MCPH1: variants seen among roughly 807,000 people sequenced by gnomAD.
The protein encoded by MCPH1 is microcephalin 1.
MCPH1 carries 104 observed loss-of-function variants against 84.5 expected under a neutral mutation model. The observed-to-expected ratio is 1.23, with a 90% CI of 1.05 to 1.45. The LOEUF (loss-of-function observed/expected upper bound fraction) is 1.45, where lower values mean the gene tolerates loss of function less well. MCPH1 is among the 40% of genes most tolerant of loss of function. The pLI, the probability that MCPH1 is intolerant of heterozygous loss-of-function variation, is 0.00. For missense variants in MCPH1, 1,498 were observed against 1,005.7 expected, an observed-to-expected ratio of 1.49 and a Z score of -6.62; for synonymous variants, 514 against 366.8, an observed-to-expected ratio of 1.40 and a Z score of -4.58.
chr8:6,532,526 A>T, intron 12 of MCPH1: 1 of 1,509,380 alleles, frequency 6.6e-7, no homozygotes, highest in Non-Finnish European at 8.9e-7. Flanking sequence ...CATTAGTCAA[A>T]TGACCGGAAA....
intron 9 of MCPH1, among the ~76,000 whole-genome samples, chr8:6,475,512 C>T (rs915883700): frequency 1.3e-5 from 2 of 152,220 alleles, no homozygotes; most frequent in African/African-American, 4.8e-5. Flanking sequence ...CCTGGGAGAG[C>T]CCCTGGTTCT....
chr8:6,436,484 T>A (rs1802655824), intron 5 of MCPH1, among the ~76,000 whole-genome samples: 1 of 152,170 alleles, frequency 6.6e-6, no homozygotes, highest in Admixed American at 6.5e-5. Flanking sequence ...TATTTCTTCT[T>A]TATATATAAC....
chr8:6,497,547 C>A (rs1474925710), intron 11 of MCPH1, among the ~76,000 whole-genome samples: 1 of 152,002 alleles, frequency 6.6e-6, no homozygotes, highest in Non-Finnish European at 1.5e-5. Flanking sequence ...AGAGCTGCAA[C>A]CACTGACCAG....
chr8:6,549,879 AAAAAG>A (rs915449508), intron 12 of MCPH1, among the ~76,000 whole-genome samples: 16 of 152,360 alleles, frequency 1.1e-4, no homozygotes, highest in South Asian at 2.1e-4. Flanking sequence ...TTATATCTAA[AAAAAG>A]AAAAGAAAAG....
chr8:6,629,249 G>C (rs1392635980), intron 13 of MCPH1, among the ~76,000 whole-genome samples: 4 of 152,196 alleles, frequency 2.6e-5, no homozygotes, highest in African/African-American at 9.7e-5. Flanking sequence ...GATCACTTGA[G>C]GTCAGGAGTT....
chr8:6,564,060 C>A (rs529916585), intron 12 of MCPH1, among the ~76,000 whole-genome samples: 1 of 147,162 alleles, frequency 6.8e-6, no homozygotes, highest in South Asian at 2.1e-4. Context: ...TGGCTCACTG[C>A]AACCTCCGCC....
intron 8 of MCPH1, among the ~76,000 whole-genome samples, chr8:6,450,579 T>C (rs1327302901): frequency 6.6e-6 from 1 of 151,026 alleles, no homozygotes; most frequent in African/African-American, 2.4e-5. Flanking sequence ...GCCAATTCAG[T>C]GTTCTTGAAT....
At chr8:6,642,958 T>C (rs769280792) in intron 13 of MCPH1, 36 bp from the exon 14 acceptor site, 3 of 1,600,392 alleles carry the variant, frequency 1.9e-6, no homozygotes, top group Middle Eastern at 1.7e-4. Context: ...TGGCTGGCTA[T>C]TATGAATGCT....
At chr8:6,538,169 C>G (rs1000390548) in intron 12 of MCPH1, among the ~76,000 whole-genome samples, 17 of 151,732 alleles carry the variant, frequency 1.1e-4, no homozygotes, top group African/African-American at 3.9e-4. Flanking sequence ...TCTAGTAAAC[C>G]CTTGAATTTT....
At chr8:6,439,602 G>C (rs1033585714) in intron 6 of MCPH1, among the ~76,000 whole-genome samples, 1 of 151,364 alleles carries the variant, frequency 6.6e-6, no homozygotes, top group Admixed American at 6.6e-5. Context: ...TCACCATGTT[G>C]GCCATGCTGG....
At chr8:6,474,666 C>T (rs938028775) in intron 9 of MCPH1, among the ~76,000 whole-genome samples, 1 of 152,104 alleles carries the variant, frequency 6.6e-6, no homozygotes, top group African/African-American at 2.4e-5. Context: ...ATCAGTAAAT[C>T]TGTATAGCTT....
chr8:6,424,936 G>A (rs193197128), intron 3 of MCPH1, among the ~76,000 whole-genome samples: 2 of 152,280 alleles, frequency 1.3e-5, no homozygotes, highest in East Asian at 1.9e-4. Context: ...ACACAGTGCC[G>A]TTTACAAAAA....
At position 6,475,396 on chromosome 8, in the gene MCPH1, G is replaced by T. The variant is rs1357588807; in HGVS notation, c.1936-2198G>T. Among the ~76,000 whole-genome samples the T allele has an allele frequency of 3.9e-5, 6 of 152,316 alleles. No individual in the cohort carries two copies. In the East Asian group the frequency reaches 1.2e-3, roughly 29 times the overall value. ...TGCTTATCCTGGCAGACGCCCTTGT[G>T]GCTCTTTTCTGACCCCTCTCCAGTT... On this transcript the variant is annotated intron_variant, in intron 9 of 13. Transcript: ENST00000344683.
chr8:6,457,618 T>C (rs11779815), intron 9 of MCPH1, among the ~76,000 whole-genome samples: 2,525 of 151,910 alleles, frequency 0.017, 28 homozygotes, highest in Non-Finnish European at 0.025. Context: ...AATAAATAAA[T>C]AAATGCTGAT....
intron 12 of MCPH1, among the ~76,000 whole-genome samples, chr8:6,593,567 T>C (rs181243414): frequency 2.7e-3 from 418 of 152,234 alleles, no homozygotes; most frequent in Non-Finnish European, 5.1e-3. Flanking sequence ...TTGTCCAGGC[T>C]AGTCCCAGAC....
intron 12 of MCPH1, among the ~76,000 whole-genome samples, chr8:6,558,047 G>A (rs1300216553): frequency 6.6e-6 from 1 of 152,086 alleles, no homozygotes; most frequent in East Asian, 1.9e-4. Flanking sequence ...CGCACCTTTA[G>A]TTACCTCAGT....
chr8:6,619,998 C>G (rs1302996644), intron 12 of MCPH1: 2 of 152,234 alleles, frequency 1.3e-5, no homozygotes, highest in Admixed American at 1.3e-4. Context: ...GGGACCATGG[C>G]TTTTTCTTGC....
rs550969340 is a variant in MCPH1, at chr8:6,576,482, C to A, written c.2215-44972C>A. 2.8e-4 allele frequency among the ~76,000 whole-genome samples: 39 copies of A among 137,106 alleles called. No homozygotes were observed. In the South Asian group the frequency reaches 7.1e-3, roughly 25 times the overall value. 89.9% of individuals were successfully genotyped at this position (137,106 alleles called of 152,430 possible). On this transcript the variant is annotated intron_variant, in intron 12 of 13. Transcript: ENST00000344683. ...ATCCTTCCCTTTCCCTTTCCCTTCC[C>A]GTTTCCTTTTCCCTTTCCCTTCCCC...
intron 12 of MCPH1, among the ~76,000 whole-genome samples, chr8:6,576,664 C>T (rs2959778): frequency 0.69 from 99,226 of 143,566 alleles, 37,134 homozygotes; most frequent in East Asian, 0.89. Flanking sequence ...CCCGCCACCA[C>T]GCTCTGCTAA....
Sources: allele counts gnomAD v4.1 joint callset (sites outside exome capture counted in the v4.1 genomes callset), GRCh38; gene constraint gnomAD v4.1.1; transcripts MANE v1.5; gene names NCBI Gene and HGNC (gene_info 2026-07-23, HGNC 2026-07-21).